Variants in MAP3K15 observed in about 807,000 individuals in gnomAD.
MAP3K15 encodes the protein mitogen-activated protein kinase kinase kinase 15, also known as MAPK/ERK kinase kinase 15.
A neutral mutation model predicts 99.5 loss-of-function variants in MAP3K15; 124 were observed. That is an observed-to-expected ratio of 1.25 (90% CI 1.08 to 1.45). MAP3K15 has a LOEUF of 1.45. Ranked by LOEUF, MAP3K15 falls within the 40% of genes most tolerant of loss-of-function variation. MAP3K15 has a pLI of 0.00. For synonymous variants in MAP3K15, 494 were observed against 439.6 expected (o/e 1.12, Z -1.55); for missense variants, 1,242 against 1,079.7 (o/e 1.15, Z -2.11).
At chrX:19,399,740 A>C (rs1022438796) in intron 14 of MAP3K15, among the ~76,000 whole-genome samples, 48 of 49,812 alleles carry the variant, frequency 9.6e-4, no homozygotes, top group Non-Finnish European at 7.8e-4. Flanking sequence ...CTCTGTTTCC[A>C]AAAAAAAAAA....
chrX:19,437,903 A>G (rs756446422), intron 6 of MAP3K15, among the ~76,000 whole-genome samples: 12 of 111,826 alleles, frequency 1.1e-4, no homozygotes, highest in Non-Finnish European at 1.9e-4. Context: ...GTGTGGTCCT[A>G]TAGTTTAAAA....
chrX:19,498,872 C>T (rs747971491), intron 1 of MAP3K15, among the ~76,000 whole-genome samples: 2 of 112,165 alleles, frequency 1.8e-5, no homozygotes, highest in African/African-American at 3.2e-5. Flanking sequence ...TGCACAACTG[C>T]AACCTGGAAG....
At chrX:19,396,079 G>A (rs113339723) in intron 15 of MAP3K15, among the ~76,000 whole-genome samples, 4 of 111,247 alleles carry the variant, frequency 3.6e-5, no homozygotes, top group South Asian at 3.8e-4. Flanking sequence ...CCTCTTCTGC[G>A]TTCTAAAAAC....
chrX:19,402,872 C>T, intron 13 of MAP3K15, among the ~76,000 whole-genome samples: 1 of 111,357 alleles, frequency 9.0e-6, no homozygotes, highest in Middle Eastern at 4.6e-3. Context: ...CCCTGTGTTG[C>T]CCAGGCTGGT....
chrX:19,472,226 AAATAATAATAATAATAATAAT>A (rs202068828), intron 3 of MAP3K15, among the ~76,000 whole-genome samples: 11 of 97,446 alleles, frequency 1.1e-4, no homozygotes, highest in African/African-American at 3.0e-4. Context: ...TCTGTCTCAA[AAATAATAATAATAATAATAAT>A]AATAATAATA....
At chrX:19,396,204 C>G (rs987032133) in intron 15 of MAP3K15, among the ~76,000 whole-genome samples, 7 of 111,963 alleles carry the variant, frequency 6.3e-5, no homozygotes, top group African/African-American at 1.6e-4. Flanking sequence ...AATCACCTTT[C>G]GGTCCCCAGT....
chrX:19,447,509 A>T (rs1234366776), intron 6 of MAP3K15, among the ~76,000 whole-genome samples: 4 of 111,590 alleles, frequency 3.6e-5, no homozygotes, highest in Non-Finnish European at 7.5e-5. Flanking sequence ...TATTTCATCT[A>T]AAGTAAAATG....
intron 15 of MAP3K15, 63 bp from the exon 16 acceptor site, chrX:19,395,271 A>C: frequency 2.2e-4 from 236 of 1,090,359 alleles, no homozygotes; most frequent in Middle Eastern, 3.1e-4. Context: ...ACCACATCTC[A>C]CCTCACCAGG....
chrX:19,465,830 G>GGTGGGT (rs1555961309), intron 3 of MAP3K15, among the ~76,000 whole-genome samples: 2 of 94,006 alleles, frequency 2.1e-5, no homozygotes, highest in African/African-American at 7.7e-5. Context: ...GGTGTGTAGG[G>GGTGGGT]GTGTGTGTGT....
intron 9 of MAP3K15, among the ~76,000 whole-genome samples, chrX:19,418,975 G>C (rs1279254687): frequency 9.0e-6 from 1 of 111,697 alleles, no homozygotes; most frequent in African/African-American, 3.3e-5. Flanking sequence ...ATCCTTTACA[G>C]ACAAGCAAAT....
At chrX:19,435,171 A>T (rs1230902625) in intron 6 of MAP3K15, among the ~76,000 whole-genome samples, 1 of 111,511 alleles carries the variant, frequency 9.0e-6, no homozygotes, top group Non-Finnish European at 1.9e-5. Context: ...CCAACTTTTG[A>T]GGTGTGAAAT....
chrX:19,456,930 A>G lies in MAP3K15; in HGVS notation c.978T>C (p.Tyr326=), dbSNP rs7888503. ...LADQHNIKFH[Y]AFALNRRNST... ...GTTCTTACCTATTCAGTGCAAACGCATAGTGGAATTTAATGTTATGCTGAT... is the reference window on the plus strand; with the variant it reads ...GTTCTTACCTATTCAGTGCAAACGCGTAGTGGAATTTAATGTTATGCTGAT... Residue 326 remains tyrosine (Y), a synonymous_variant, in exon 6 of 29, where the codon TAT becomes TAC. Coordinates refer to ENST00000338883, the MANE Select transcript of MAP3K15 (RefSeq NM_001001671.4). 17,571 of 1,192,946 alleles carry G rather than the reference A, an allele frequency of 0.015. 1,541 individuals are homozygous for G. In the African/African-American group the frequency reaches 0.26, roughly 18 times the overall value.
At chrX:19,372,622 G>A in intron 22 of MAP3K15, 31 bp downstream of exon 22, 1 of 1,179,885 alleles carries the variant, frequency 8.5e-7, no homozygotes, top group South Asian at 1.9e-5. Flanking sequence ...GAGGGAGCGG[G>A]AAGAGTCGGT....
intron 6 of MAP3K15, among the ~76,000 whole-genome samples, chrX:19,439,915 C>CA (rs2063947534): frequency 1.8e-5 from 2 of 112,307 alleles, no homozygotes; most frequent in Admixed American, 9.4e-5. Context: ...CTTTGTGTTA[C>CA]AGGGGAGCTG....
In MAP3K15 at chrX:19,415,804, AC is replaced by A. The variant is rs2063729924; in HGVS notation, c.1440-548del. 3.6e-5 allele frequency among the ~76,000 whole-genome samples: 4 copies of A among 112,104 alleles called. No individual in the cohort carries two copies. In the Admixed American group the frequency reaches 3.8e-4, roughly 11 times the overall value. ...GGTCCATTTTATCATTTACTACCCAACATATATACAAATCTCTTACAAAAAG... is the reference window on the plus strand; with the variant it reads ...GGTCCATTTTATCATTTACTACCCAAATATATACAAATCTCTTACAAAAAG... On this transcript the variant is annotated intron_variant, in intron 9 of 28. Coordinates refer to ENST00000338883, the MANE Select transcript of MAP3K15 (RefSeq NM_001001671.4).
intron 6 of MAP3K15, among the ~76,000 whole-genome samples, chrX:19,448,352 A>T (rs907976593): frequency 9.1e-6 from 1 of 109,321 alleles, no homozygotes; most frequent in African/African-American, 3.3e-5. Context: ...CCCAGTCCTT[A>T]TGTCCTCAAC....
chrX:19,402,830 A>G (rs923576531), intron 13 of MAP3K15, among the ~76,000 whole-genome samples: 12 of 111,090 alleles, frequency 1.1e-4, no homozygotes, highest in African/African-American at 3.9e-4. Context: ...ACGCCCAGCT[A>G]ATTTTTTTAT....
chrX:19,445,059 C>A (rs1268536546), intron 6 of MAP3K15, among the ~76,000 whole-genome samples: 1 of 111,072 alleles, frequency 9.0e-6, no homozygotes, highest in Non-Finnish European at 1.9e-5. Flanking sequence ...TATAAAGCCT[C>A]CCCAAACTCC....
chrX:19,434,040 TG>T (rs1271729354), intron 6 of MAP3K15, among the ~76,000 whole-genome samples: 1 of 111,923 alleles, frequency 8.9e-6, no homozygotes, highest in Non-Finnish European at 1.9e-5. Flanking sequence ...ATGAAAAGCA[TG>T]ACCCCATTCT....
Sources: allele counts gnomAD v4.1 joint callset (sites outside exome capture counted in the v4.1 genomes callset), GRCh38; gene constraint gnomAD v4.1.1; transcripts MANE v1.5; gene names NCBI Gene and HGNC (gene_info 2026-07-23, HGNC 2026-07-21).